Variants in FHL1 observed in about 807,000 individuals in gnomAD.
The protein encoded by FHL1 is four and a half LIM domains protein 1.
Under a neutral mutation model 20.3 loss-of-function variants are expected in FHL1, and 1 was observed. The ratio of observed to expected loss-of-function variants is 0.05; its 90% CI spans 0.02 to 0.23. FHL1 has a LOEUF of 0.23. Among genes scored for constraint, FHL1 ranks in the 10% least tolerant of loss-of-function variants. The pLI, the probability that FHL1 is intolerant of heterozygous loss-of-function variation, is 1.00. For synonymous variants in FHL1, 82 were observed against 88.9 expected (o/e 0.92, Z 0.44); for missense variants, 177 against 234.0 (o/e 0.76, Z 1.59).
chrX:136,177,034 A>ACACACACACACACACACACG (rs2073024452), intron 2 of FHL1, among the ~76,000 whole-genome samples: 1 of 109,550 alleles, frequency 9.1e-6, no homozygotes, highest in South Asian at 4.0e-4. Context: ...ACACACACAC[A>ACACACACACACACACACACG]CACACACACA....
At chrX:136,163,244 G>A (rs949556977) in intron 1 of FHL1, among the ~76,000 whole-genome samples, 14 of 112,280 alleles carry the variant, frequency 1.2e-4, no homozygotes, top group African/African-American at 4.2e-4. Flanking sequence ...TCCAGGTGCC[G>A]CCAATTTTGA....
upstream of FHL1, among the ~76,000 whole-genome samples, chrX:136,168,603 C>T (rs1001898536): frequency 1.8e-5 from 2 of 111,460 alleles, no homozygotes. Context: ...CAAAATTTGT[C>T]TTCCTCCAGG....
intron 2 of FHL1, among the ~76,000 whole-genome samples, chrX:136,176,323 T>TA (rs1224438942): frequency 1.2e-4 from 14 of 112,646 alleles, no homozygotes; most frequent in African/African-American, 4.5e-4. Context: ...TGAGCCTCCT[T>TA]ACAGCAGTCC....
chrX:136,169,019 C>T (rs772615504), upstream of FHL1, among the ~76,000 whole-genome samples: 1 of 111,870 alleles, frequency 8.9e-6, no homozygotes, highest in Admixed American at 9.5e-5. Flanking sequence ...GCCCAAGGCA[C>T]TGTCTTTTCC....
intron 1 of FHL1, among the ~76,000 whole-genome samples, chrX:136,156,852 A>G (rs942151893): frequency 9.0e-6 from 1 of 111,235 alleles, no homozygotes; most frequent in African/African-American, 3.3e-5. Context: ...TGCCAGGTCT[A>G]GTTTTATGCG....
chrX:136,169,407 C>T (rs2072798387), upstream of FHL1: 7 of 164,799 alleles, frequency 4.2e-5, no homozygotes, highest in South Asian at 1.2e-4. Flanking sequence ...CAGGGCACCT[C>T]GTCTCCATGG....
At chrX:136,177,927 G>T (rs1362127729) in intron 2 of FHL1, among the ~76,000 whole-genome samples, 4 of 112,395 alleles carry the variant, frequency 3.6e-5, no homozygotes, top group Non-Finnish European at 7.5e-5. Flanking sequence ...GGAGATGAAT[G>T]TTGGATGCTC....
intron 2 of FHL1, among the ~76,000 whole-genome samples, chrX:136,170,373 C>T (rs757327011): frequency 2.7e-5 from 3 of 111,386 alleles, no homozygotes; most frequent in African/African-American, 9.8e-5. Context: ...CTGACCTGAT[C>T]AGCTATTAGG....
At chrX:136,180,443 A>G (rs2073124651) in intron 2 of FHL1, among the ~76,000 whole-genome samples, 2 of 55,605 alleles carry the variant, frequency 3.6e-5, no homozygotes, top group Non-Finnish European at 9.2e-5. Context: ...ACTTTCATAT[A>G]TGAAGTCTAG....
At chrX:136,186,391 G>GCTC (rs889870382) in intron 2 of FHL1, among the ~76,000 whole-genome samples, 2 of 111,148 alleles carry the variant, frequency 1.8e-5, no homozygotes, top group African/African-American at 6.5e-5. Flanking sequence ...TTTGGTGGGT[G>GCTC]CTCCCTCATC....
At chrX:136,196,507 T>G (rs2073558309), upstream of FHL1, among the ~76,000 whole-genome samples, 1 of 111,193 alleles carries the variant, frequency 9.0e-6, no homozygotes, top group African/African-American at 3.3e-5. Flanking sequence ...GTGGGGAGAT[T>G]ACGATCACTC....
intron 2 of FHL1, among the ~76,000 whole-genome samples, chrX:136,174,058 C>G (rs1327204738): frequency 8.9e-6 from 1 of 111,740 alleles, no homozygotes; most frequent in Non-Finnish European, 1.9e-5. Context: ...CTGGCAGTAT[C>G]TGTAATCTCC....
chrX:136,163,477 G>C (rs2072629462), intron 1 of FHL1, among the ~76,000 whole-genome samples: 1 of 112,205 alleles, frequency 8.9e-6, no homozygotes, highest in Non-Finnish European at 1.9e-5. Context: ...GTGAAGAAGA[G>C]GGCATACCCA....
At chrX:136,190,364 G>C (rs886224802) in intron 2 of FHL1, among the ~76,000 whole-genome samples, 3 of 111,987 alleles carry the variant, frequency 2.7e-5, no homozygotes, top group African/African-American at 6.5e-5. Context: ...CTCTGCTTCC[G>C]CATCCAACCT....
rs759571993 is a variant in FHL1, at chrX:136,207,785, T to C, written c.380-7T>C. On this transcript the variant is annotated splice_polypyrimidine_tract_variant and splice_region_variant and intron_variant, in intron 3 of 5. Coordinates refer to ENST00000370683, the MANE Select transcript of FHL1 (RefSeq NM_001159699.2). ...CAGTGGGGCTATCCAATTGCTTCCC[T>C]CTGCAGGAGATCAAAACGTGGAGTA... The C allele has an allele frequency of 1.2e-5, 14 of 1,209,792 alleles. No homozygotes were observed. The African/African-American group carries it at 1.7e-4, about 15-fold the overall frequency.
At chrX:136,173,113 G>T (rs1293880535) in intron 2 of FHL1, among the ~76,000 whole-genome samples, 2 of 112,487 alleles carry the variant, frequency 1.8e-5, no homozygotes, top group Non-Finnish European at 3.8e-5. Flanking sequence ...CAGAAACTTA[G>T]AATTATTCCA....
At chrX:136,195,562 C>T (rs777607598), upstream of FHL1, among the ~76,000 whole-genome samples, 1 of 112,433 alleles carries the variant, frequency 8.9e-6, no homozygotes, top group African/African-American at 3.2e-5. Flanking sequence ...TTTCCTCTAA[C>T]ATGTAATAAA....
At chrX:136,204,714 T>C (rs1008261158) in intron 1 of FHL1, 21 of 112,316 alleles carry the variant, frequency 1.9e-4, no homozygotes, top group Admixed American at 3.8e-4. Context: ...GCTCATCCAG[T>C]GGCCTGATTT....
chrX:136,208,275 C>G (rs1283865675), intron 4 of FHL1, among the ~76,000 whole-genome samples, 180 bp from the exon 5 acceptor site: 1 of 112,153 alleles, frequency 8.9e-6, no homozygotes, highest in Non-Finnish European at 1.9e-5. Flanking sequence ...CTCACCTTCT[C>G]CGAGCCTTGG....
Sources: allele counts gnomAD v4.1 joint callset (sites outside exome capture counted in the v4.1 genomes callset), GRCh38; gene constraint gnomAD v4.1.1; transcripts MANE v1.5; gene names NCBI Gene and HGNC (gene_info 2026-07-23, HGNC 2026-07-21).